KATNA1: variants seen among roughly 807,000 people sequenced by gnomAD.
KATNA1 encodes katanin p60 ATPase-containing subunit A1.
In KATNA1, 42 loss-of-function variants were observed where a neutral mutation model predicts 62.6. The observed-to-expected ratio is 0.67, with a 90% CI of 0.52 to 0.87. The LOEUF (loss-of-function observed/expected upper bound fraction) is 0.87, where lower values mean the gene tolerates loss of function less well. Among genes scored for constraint, KATNA1 ranks in the 40% least tolerant of loss-of-function variants. The pLI is 0.00. For missense variants in KATNA1, 498 were observed against 612.5 expected, an observed-to-expected ratio of 0.81 and a Z score of 1.97; for synonymous variants, 186 against 201.9, an observed-to-expected ratio of 0.92 and a Z score of 0.67.
intron 4 of KATNA1, among the ~76,000 whole-genome samples, chr6:149,612,426 T>C (rs1047040103): frequency 2.0e-5 from 3 of 150,910 alleles, no homozygotes; most frequent in Non-Finnish European, 4.4e-5. Flanking sequence ...CGAGAATCTA[T>C]TGAACCCAGG....
chr6:149,607,705 C>CT lies in KATNA1; in HGVS notation c.502-2924dup, dbSNP rs531913983. Among the ~76,000 whole-genome samples the CT allele has an allele frequency of 3.6e-3, 545 of 152,218 alleles. 3 individuals carry two copies. Among genetic ancestry groups the CT allele is most frequent in the African/African-American group, 0.013 (521 of 41,530 alleles). On this transcript the variant is annotated intron_variant, in intron 4 of 10. Transcript: ENST00000367411. ...GAGGGATTCAAAGGGACCTAGACTC[C>CT]TTTTTTCATGCTCAAAATAAAGTTT... is the stretch of plus-strand genomic sequence containing the variant.
chr6:149,604,614 CG>C, intron 5 of KATNA1, 46 bp downstream of exon 5: 1 of 1,605,150 alleles, frequency 6.2e-7, no homozygotes, highest in Non-Finnish European at 8.5e-7. Flanking sequence ...TTTTCCATTC[CG>C]AATAGCATCA....
intron 3 of KATNA1, 77 bp downstream of exon 3, chr6:149,632,682 A>T (rs1375162154): frequency 4.8e-6 from 6 of 1,249,562 alleles, no homozygotes; most frequent in Non-Finnish European, 6.5e-6. Context: ...TCTCTCAGCC[A>T]CCCCATCCTC....
At chr6:149,629,099 C>T (rs1779736451) in intron 3 of KATNA1, among the ~76,000 whole-genome samples, 1 of 152,012 alleles carries the variant, frequency 6.6e-6, no homozygotes, top group Non-Finnish European at 1.5e-5. Context: ...CAGAGGAAAT[C>T]CTCCCTCTCT....
In KATNA1 at chr6:149,604,825, T is replaced by A. The variant is rs533570229; in HGVS notation, c.502-43A>T. The A allele has an allele frequency of 1.9e-6, 3 of 1,593,782 alleles. No homozygotes were observed. In the South Asian group the frequency reaches 3.4e-5, roughly 18 times the overall value. ...AACAAGCGCTTTTGATTCATTTATT[T>A]TGTTTCTGTGAGTCGGAAACACAGA... On this transcript the variant is annotated intron_variant, in intron 4 of 10. Coordinates refer to ENST00000367411, the MANE Select transcript of KATNA1 (RefSeq NM_007044.4).
In KATNA1 at chr6:149,626,292, C is replaced by CTTTTTTTTTTTTTTTTTTT. The variant is rs544379629; in HGVS notation, c.321-3028_321-3010dup. Among the ~76,000 whole-genome samples, 17 of 88,748 alleles carry CTTTTTTTTTTTTTTTTTTT rather than the reference C, an allele frequency of 1.9e-4. 1 individual carries two copies. The highest frequency in any genetic ancestry group is 1.2e-3 in the East Asian group (2 of 1,724). 58.2% of individuals were successfully genotyped at this position (88,748 alleles called of 152,430 possible). A position where few individuals can be genotyped will look rare whatever the true frequency, so the allele number is the denominator to read the frequency against. On this transcript the variant is annotated intron_variant, in intron 3 of 10. Coordinates refer to ENST00000367411, the MANE Select transcript of KATNA1 (RefSeq NM_007044.4). ...GAAACAACTATTTATATAACATTTA[C>CTTTTTTTTTTTTTTTTTTT]TTTTTTTTTTTTTTTTTTTTGAGAC...
intron 10 of KATNA1, among the ~76,000 whole-genome samples, chr6:149,596,801 G>A (rs1778332550): frequency 2.0e-5 from 3 of 152,020 alleles, no homozygotes; most frequent in Non-Finnish European, 4.4e-5. Flanking sequence ...GGGCTCAAGT[G>A]ATCTCCCACT....
chr6:149,602,260 GGGA>G (rs1219370524), intron 6 of KATNA1, among the ~76,000 whole-genome samples: 2 of 152,130 alleles, frequency 1.3e-5, no homozygotes, highest in African/African-American at 4.8e-5. Flanking sequence ...CCAGCTACTC[GGGA>G]GGCTGAGGCA....
In KATNA1 at chr6:149,636,393, G is replaced by A. The variant is rs1780065547; in HGVS notation, c.162+1993C>T. On this transcript the variant is annotated intron_variant, in intron 2 of 10. Transcript: ENST00000367411. Reference sequence around the variant, plus strand: ...TCAAGACCAGCCTGAACAACATAGTGAGATGCCATGTCTGTAAAAAATAAA... The same window carrying A: ...TCAAGACCAGCCTGAACAACATAGTAAGATGCCATGTCTGTAAAAAATAAA... Among the ~76,000 whole-genome samples the A allele has an allele frequency of 4.6e-5, 7 of 152,090 alleles. No homozygotes were observed. The South Asian group carries it at 1.5e-3, about 32-fold the overall frequency.
intron 4 of KATNA1, among the ~76,000 whole-genome samples, chr6:149,610,264 T>C (rs1259066774): frequency 6.6e-6 from 1 of 150,584 alleles, no homozygotes; most frequent in Non-Finnish European, 1.5e-5. Flanking sequence ...TCAGTGCCAC[T>C]GCACTCCAGC....
In KATNA1 at chr6:149,641,680, C is replaced by T. The variant is rs559592393; in HGVS notation, c.-13-3120G>A. Among the ~76,000 whole-genome samples the T allele has an allele frequency of 2.6e-5, 4 of 152,240 alleles. No individual in the cohort carries two copies. In the East Asian group the frequency reaches 7.7e-4, roughly 29 times the overall value. ...TACCTACAATGCATCAAGACACACA[C>T]CACATGATCAAGAAGGGTTTATCCC... On this transcript the variant is annotated intron_variant, in intron 1 of 10. Transcript: ENST00000367411.
intron 4 of KATNA1, among the ~76,000 whole-genome samples, chr6:149,612,901 A>G (rs1306419743): frequency 6.6e-6 from 1 of 152,114 alleles, no homozygotes; most frequent in East Asian, 1.9e-4. Context: ...CTAAAACTGA[A>G]TACCTATCCA....
intron 4 of KATNA1, among the ~76,000 whole-genome samples, chr6:149,609,139 T>C (rs754434351): frequency 6.6e-6 from 1 of 152,192 alleles, no homozygotes; most frequent in Non-Finnish European, 1.5e-5. Flanking sequence ...TCAATAATTA[T>C]GAATGTACTT....
At chr6:149,638,345 G>A in intron 2 of KATNA1, 41 bp downstream of exon 2, 1 of 1,582,590 alleles carries the variant, frequency 6.3e-7, no homozygotes, top group Non-Finnish European at 8.6e-7. Flanking sequence ...TCTCTTCCGA[G>A]TACTTAAGCC....
intron 4 of KATNA1, among the ~76,000 whole-genome samples, chr6:149,618,477 C>CA (rs920891368): frequency 9.7e-5 from 14 of 144,186 alleles, no homozygotes; most frequent in South Asian, 2.2e-4. Flanking sequence ...GACTTCGTCT[C>CA]AAAAAAAAAA....
intron 4 of KATNA1, among the ~76,000 whole-genome samples, chr6:149,613,373 T>C (rs1367030743): frequency 6.6e-6 from 1 of 151,614 alleles, no homozygotes; most frequent in African/African-American, 2.4e-5. Flanking sequence ...TTCTAGCCAA[T>C]GCAATAAGGT....
intron 3 of KATNA1, among the ~76,000 whole-genome samples, chr6:149,628,742 C>A (rs1779717539): frequency 6.6e-6 from 1 of 151,332 alleles, no homozygotes; most frequent in African/African-American, 2.4e-5. Flanking sequence ...ATTGCTTGAA[C>A]CTGGGAGGCA....
At chr6:149,634,574 T>C (rs1214102603) in intron 2 of KATNA1, among the ~76,000 whole-genome samples, 2 of 152,188 alleles carry the variant, frequency 1.3e-5, no homozygotes, top group Non-Finnish European at 2.9e-5. Context: ...GGCACGATCA[T>C]AGCTCACCAT....
chr6:149,633,254 C>A (rs1426573119), intron 2 of KATNA1, among the ~76,000 whole-genome samples: 5 of 151,538 alleles, frequency 3.3e-5, no homozygotes, highest in Non-Finnish European at 2.9e-5. Flanking sequence ...ACTACAGGCG[C>A]CCGCCACCAC....
Sources: gnomAD v4.1 joint callset for allele counts (sites outside exome capture counted in the v4.1 genomes callset) on GRCh38, gnomAD v4.1.1 for gene constraint, MANE v1.5 for transcripts, NCBI Gene and HGNC (gene_info 2026-07-23, HGNC 2026-07-21) for gene names.